MSRA: variants seen among roughly 807,000 people sequenced by gnomAD.
MSRA encodes methionine sulfoxide reductase A.
MSRA carries 54 observed loss-of-function variants against 31.3 expected under a neutral mutation model. That is an observed-to-expected ratio of 1.73 (90% CI 1.39 to 2.17). MSRA has a LOEUF of 2.17. Ranked by LOEUF, MSRA falls within the 30% of genes most tolerant of loss-of-function variation. The pLI is 0.00. For synonymous variants in MSRA, 169 were observed against 116.5 expected, an observed-to-expected ratio of 1.45 and a Z score of -2.90; for missense variants, 507 against 300.9, an observed-to-expected ratio of 1.69 and a Z score of -5.07.
chr8:10,377,602 C>G (rs1449778724), intron 5 of MSRA, among the ~76,000 whole-genome samples: 1 of 152,236 alleles, frequency 6.6e-6, no homozygotes, highest in East Asian at 1.9e-4. Flanking sequence ...TTGTCTCTGC[C>G]TAGTGAGATG....
In MSRA at chr8:10,377,367, A is replaced by G. The variant is rs192487663; in HGVS notation, c.544-50781A>G. Among the ~76,000 whole-genome samples, 64 of 152,392 alleles carry G rather than the reference A, an allele frequency of 4.2e-4. 2 individuals carry two copies. The highest frequency in any genetic ancestry group is 1.2e-4 in the Non-Finnish European group (8 of 68,040). ...TTGAGGCACAGTTTGCTTTATAAAG[A>G]ACCAGATTCTCTGATATTACTAGTA... On this transcript the variant is annotated intron_variant, in intron 5 of 5. Transcript: ENST00000317173.
intron 1 of MSRA, among the ~76,000 whole-genome samples, chr8:10,122,303 G>A (rs535595637): frequency 6.6e-6 from 1 of 152,200 alleles, no homozygotes; most frequent in Non-Finnish European, 1.5e-5. Context: ...CAGGCTCAGC[G>A]GGAGCACCCG....
intron 1 of MSRA, among the ~76,000 whole-genome samples, chr8:10,101,350 TA>T (rs1259295754): frequency 1.3e-5 from 2 of 152,198 alleles, no homozygotes; most frequent in East Asian, 1.9e-4. Context: ...TTTACAAAAT[TA>T]TTTTTTTAAT....
chr8:10,221,537 G>A (rs1382053714), intron 2 of MSRA, among the ~76,000 whole-genome samples: 1 of 152,016 alleles, frequency 6.6e-6, no homozygotes, highest in African/African-American at 2.4e-5. Flanking sequence ...ACTAGTTAAT[G>A]GCAGAACTAG....
intron 5 of MSRA, among the ~76,000 whole-genome samples, chr8:10,364,037 G>T (rs1161161147): frequency 6.6e-6 from 1 of 152,148 alleles, no homozygotes; most frequent in African/African-American, 2.4e-5. Context: ...ACCTTACCCT[G>T]TTCTCTGCCA....
chr8:10,414,187 T>C (rs1808323146), intron 5 of MSRA, among the ~76,000 whole-genome samples: 1 of 152,014 alleles, frequency 6.6e-6, no homozygotes, highest in East Asian at 1.9e-4. Context: ...AAAAACGAAT[T>C]TTATGTGAAC....
At chr8:10,169,844 C>G (rs1184937188) in intron 1 of MSRA, among the ~76,000 whole-genome samples, 1 of 150,482 alleles carries the variant, frequency 6.6e-6, no homozygotes, top group African/African-American at 2.4e-5. Flanking sequence ...TTGACCTTGT[C>G]TTCTGAGACC....
intron 5 of MSRA, among the ~76,000 whole-genome samples, chr8:10,323,040 A>G (rs1195132473): frequency 2.0e-5 from 3 of 148,876 alleles, no homozygotes; most frequent in Admixed American, 6.8e-5. Flanking sequence ...CACTGAGCTG[A>G]GATTGCATTA....
intron 5 of MSRA, chr8:10,337,679 T>C (rs1033202171): frequency 2.9e-6 from 2 of 701,106 alleles, no homozygotes; most frequent in Admixed American, 2.0e-5. Flanking sequence ...ATTTTTCATC[T>C]TGAACCTTAT....
intron 1 of MSRA, among the ~76,000 whole-genome samples, chr8:10,061,344 A>G (rs1802709290): frequency 2.0e-5 from 3 of 152,162 alleles, no homozygotes. Context: ...ATATATCCTT[A>G]TCTTCAAGGA....
In MSRA at chr8:10,250,385, C is replaced by A; in HGVS notation, c.331+5162C>A. On this transcript the variant is annotated intron_variant, in intron 3 of 5. Coordinates refer to ENST00000317173, the MANE Select transcript of MSRA (RefSeq NM_012331.5). Reference sequence around the variant, plus strand: ...TTCTGGCAAGAAAACCCAGGATGTTCATTCACTGGGTAATATCTTTTCATA... The same window carrying A: ...TTCTGGCAAGAAAACCCAGGATGTTAATTCACTGGGTAATATCTTTTCATA... The A allele has an allele frequency of 4.3e-6, 3 of 700,556 alleles. No homozygotes were observed. In the South Asian group the frequency reaches 4.5e-5, roughly 10 times the overall value. 43.4% of individuals were successfully genotyped at this position (700,556 alleles called of 1,614,324 possible). A position where few individuals can be genotyped will look rare whatever the true frequency, so the allele number is the denominator to read the frequency against.
intron 1 of MSRA, among the ~76,000 whole-genome samples, chr8:10,094,029 T>C (rs751260282): frequency 7.2e-5 from 11 of 152,242 alleles, no homozygotes; most frequent in Non-Finnish European, 1.3e-4. Flanking sequence ...CAATGCTGCT[T>C]TCAAGATTCT....
chr8:10,420,171 G>A (rs894785949), intron 5 of MSRA, among the ~76,000 whole-genome samples: 2 of 152,150 alleles, frequency 1.3e-5, no homozygotes, highest in Admixed American at 1.3e-4. Flanking sequence ...AGTGAAATAT[G>A]CCAGTCACAA....
chr8:10,351,329 C>G (rs745621095), intron 5 of MSRA, among the ~76,000 whole-genome samples: 5 of 140,220 alleles, frequency 3.6e-5, no homozygotes, highest in Non-Finnish European at 7.6e-5. Context: ...TCTTGGCTCA[C>G]TGCAACCTCT....
intron 5 of MSRA, among the ~76,000 whole-genome samples, chr8:10,376,611 T>G (rs1184060865): frequency 6.6e-6 from 1 of 152,222 alleles, no homozygotes; most frequent in Non-Finnish European, 1.5e-5. Flanking sequence ...ACACAGTAAG[T>G]GCTTAATAAA....
intron 3 of MSRA, among the ~76,000 whole-genome samples, chr8:10,257,726 G>A (rs1348850804): frequency 3.3e-5 from 5 of 152,260 alleles, no homozygotes; most frequent in South Asian, 4.1e-4. Context: ...TTGTCTCTCC[G>A]TGTTTGGACT....
intron 1 of MSRA, among the ~76,000 whole-genome samples, chr8:10,099,148 G>A (rs1158395725): frequency 2.0e-5 from 3 of 152,172 alleles, no homozygotes; most frequent in African/African-American, 7.2e-5. Context: ...AGTGGCCTAA[G>A]TTTATTCCAT....
intron 1 of MSRA, among the ~76,000 whole-genome samples, chr8:10,172,534 G>C (rs973698867): frequency 6.6e-6 from 1 of 152,148 alleles, no homozygotes; most frequent in Non-Finnish European, 1.5e-5. Flanking sequence ...GCGGAGGTTA[G>C]GGAATATGCC....
chr8:10,069,345 G>C (rs750819282), intron 1 of MSRA, among the ~76,000 whole-genome samples: 1 of 152,194 alleles, frequency 6.6e-6, no homozygotes, highest in Non-Finnish European at 1.5e-5. Context: ...CCAGAACTTA[G>C]TGGGAAAGCA....
Sources: gnomAD v4.1 joint callset for allele counts (sites outside exome capture counted in the v4.1 genomes callset) on GRCh38, gnomAD v4.1.1 for gene constraint, MANE v1.5 for transcripts, NCBI Gene and HGNC (gene_info 2026-07-23, HGNC 2026-07-21) for gene names.